Variants in TFDP2 observed in about 807,000 individuals in gnomAD.
TFDP2 encodes the protein transcription factor Dp-2.
TFDP2 carries 17 observed loss-of-function variants against 59.3 expected under a neutral mutation model. That is an observed-to-expected ratio of 0.29 (90% confidence interval 0.20 to 0.43). The LOEUF (loss-of-function observed/expected upper bound fraction) is 0.43. Among genes scored for constraint, TFDP2 ranks in the 20% least tolerant of loss-of-function variants. The probability of loss-of-function intolerance (pLI) is 1.00; values close to 1 mark genes in which losing one functional copy is unlikely to be tolerated. For missense variants in TFDP2, 391 were observed against 528.8 expected (o/e 0.74, Z 2.56); for synonymous variants, 180 against 194.7 (o/e 0.92, Z 0.63).
chr3:142,014,257 C>T (rs1944949128), intron 3 of TFDP2, among the ~76,000 whole-genome samples: 1 of 152,186 alleles, frequency 6.6e-6, no homozygotes, highest in South Asian at 2.1e-4. Flanking sequence ...ATCCTCCTGC[C>T]TCAGCTCTCC....
chr3:141,972,361 T>G (rs549872962), intron 8 of TFDP2, among the ~76,000 whole-genome samples: 2 of 152,186 alleles, frequency 1.3e-5, no homozygotes, highest in Non-Finnish European at 2.9e-5. Context: ...ACCTGTTAAT[T>G]TTATTTCCAA....
chr3:141,944,615 C>G lies in TFDP2; in HGVS notation c.*7898G>C, dbSNP rs974200930. The stretch of plus-strand genomic sequence containing the variant: ...AGAGTTCATTACAAATACAGCTTCC[C>G]AGGCCCCACCTCCAGCACTTCTGAC... On this transcript the variant is annotated 3_prime_UTR_variant, in exon 13 of 13. Coordinates refer to ENST00000489671, the MANE Select transcript of TFDP2 (RefSeq NM_001178139.2). 6.6e-6 allele frequency: 1 copy of G among 152,108 alleles called. No individual in the cohort carries two copies. Among genetic ancestry groups the G allele is most frequent in the African/African-American group, 2.4e-5 (1 of 41,400 alleles). The allele number at this position is 152,108 out of a possible 1,614,324, so 9.4% of individuals were successfully genotyped here.
chr3:141,966,382 A>T (rs1209144550), intron 9 of TFDP2, among the ~76,000 whole-genome samples: 1 of 151,728 alleles, frequency 6.6e-6, no homozygotes, highest in African/African-American at 2.4e-5. Flanking sequence ...CATATTGGCC[A>T]GGCTGGTCTC....
At chr3:142,052,696 G>A (rs1409748127) in intron 3 of TFDP2, among the ~76,000 whole-genome samples, 2 of 152,076 alleles carry the variant, frequency 1.3e-5, no homozygotes, top group African/African-American at 4.8e-5. Context: ...TCCCAAAGTA[G>A]CTGGAACTAC....
At chr3:142,104,384 A>G (rs779537528) in intron 1 of TFDP2, among the ~76,000 whole-genome samples, 8 of 152,212 alleles carry the variant, frequency 5.3e-5, no homozygotes, top group Admixed American at 2.0e-4. Flanking sequence ...TAATATTTCA[A>G]CCAAGCTTGA....
At chr3:141,964,162 T>C (rs1464049665) in intron 9 of TFDP2, among the ~76,000 whole-genome samples, 199 bp from the exon 10 acceptor site, 1 of 152,094 alleles carries the variant, frequency 6.6e-6, no homozygotes, top group East Asian at 1.9e-4. Flanking sequence ...CCATCATCCA[T>C]AGAAACAGGA....
intron 1 of TFDP2, among the ~76,000 whole-genome samples, chr3:142,142,101 C>G (rs2062982672): frequency 6.6e-6 from 1 of 152,080 alleles, no homozygotes; most frequent in Admixed American, 6.5e-5. Flanking sequence ...CTATCTAGAG[C>G]AATCAGACAA....
At chr3:142,091,859 G>A (rs1226854682) in intron 3 of TFDP2, among the ~76,000 whole-genome samples, 2 of 152,104 alleles carry the variant, frequency 1.3e-5, no homozygotes, top group East Asian at 3.9e-4. Flanking sequence ...TCACTTGCTG[G>A]CCGCTCACCT....
chr3:142,071,400 C>G (rs919607621), intron 3 of TFDP2, among the ~76,000 whole-genome samples: 1 of 152,110 alleles, frequency 6.6e-6, no homozygotes. Context: ...TCAACTGATC[C>G]AACTGCATTG....
chr3:141,957,411 C>T (rs1431095235), intron 11 of TFDP2, among the ~76,000 whole-genome samples: 1 of 152,132 alleles, frequency 6.6e-6, no homozygotes, highest in African/African-American at 2.4e-5. Flanking sequence ...TTTGGTATTT[C>T]CTTAAAATGT....
intron 1 of TFDP2, among the ~76,000 whole-genome samples, chr3:142,137,753 T>C (rs2062789112): frequency 6.6e-6 from 1 of 152,174 alleles, no homozygotes; most frequent in African/African-American, 2.4e-5. Context: ...TGGATAAGCT[T>C]TTTCATGTGC....
chr3:142,069,133 C>A (rs542570944), intron 3 of TFDP2, among the ~76,000 whole-genome samples: 10 of 152,012 alleles, frequency 6.6e-5, no homozygotes, highest in Non-Finnish European at 1.5e-4. Flanking sequence ...CCAGGCTGGT[C>A]TCGAACTCCT....
At chr3:142,101,711 A>G (rs2061324535) in intron 2 of TFDP2, 24 bp downstream of exon 2, 3 of 1,354,494 alleles carry the variant, frequency 2.2e-6, no homozygotes, top group African/African-American at 1.4e-5. Context: ...CAATACTTAC[A>G]TTAAAAAATT....
chr3:142,131,932 G>C (rs1354663731), intron 1 of TFDP2, among the ~76,000 whole-genome samples: 1 of 147,674 alleles, frequency 6.8e-6, no homozygotes, highest in Non-Finnish European at 1.5e-5. Flanking sequence ...CTTGAACCCG[G>C]GAGGCAGAGG....
At chr3:142,113,939 C>T (rs374763071) in intron 1 of TFDP2, among the ~76,000 whole-genome samples, 8 of 151,984 alleles carry the variant, frequency 5.3e-5, no homozygotes, top group South Asian at 4.2e-4. Flanking sequence ...CCGAGGCGGG[C>T]GGATCACGAG....
chr3:142,114,031 G>A (rs1378383856), intron 1 of TFDP2, among the ~76,000 whole-genome samples: 4 of 152,272 alleles, frequency 2.6e-5, no homozygotes, highest in Non-Finnish European at 5.9e-5. Flanking sequence ...CAGGCGTGAT[G>A]GCGGGCGCCT....
intron 4 of TFDP2, among the ~76,000 whole-genome samples, chr3:142,001,777 C>A (rs1943791562): frequency 6.6e-6 from 1 of 152,126 alleles, no homozygotes; most frequent in Non-Finnish European, 1.5e-5. Context: ...ACCAAATATC[C>A]AATTTCACGG....
At chr3:142,118,672 T>C (rs1327329177) in intron 1 of TFDP2, among the ~76,000 whole-genome samples, 1 of 152,036 alleles carries the variant, frequency 6.6e-6, no homozygotes, top group Non-Finnish European at 1.5e-5. Context: ...TTATAAGGTA[T>C]GTAGAAAGAA....
At chr3:142,053,169 A>G (rs1308881328) in intron 3 of TFDP2, among the ~76,000 whole-genome samples, 1 of 152,306 alleles carries the variant, frequency 6.6e-6, no homozygotes, top group East Asian at 1.9e-4. Context: ...AAAACTGCAC[A>G]TTAAGTGATA....
Sources: allele counts gnomAD v4.1 joint callset (sites outside exome capture counted in the v4.1 genomes callset), GRCh38; gene constraint gnomAD v4.1.1; transcripts MANE v1.5; gene names NCBI Gene and HGNC (gene_info 2026-07-23, HGNC 2026-07-21).